The following DOCK1 variants were observed in gnomAD, a reference collection of about 807,000 sequenced individuals.
The protein encoded by DOCK1 is dedicator of cytokinesis 1.
DOCK1 carries 138 observed loss-of-function variants against 262.7 expected under a neutral mutation model. The observed-to-expected ratio is 0.53, with a 90% CI of 0.46 to 0.61. The LOEUF (loss-of-function observed/expected upper bound fraction) is 0.61, where lower values mean the gene tolerates loss of function less well. Among genes scored for constraint, DOCK1 ranks in the 20% least tolerant of loss-of-function variants. The probability of loss-of-function intolerance (pLI) is 0.00; values close to 1 mark genes in which losing one functional copy is unlikely to be tolerated. For missense variants in DOCK1, 1,908 were observed against 2,370.7 expected, an observed-to-expected ratio of 0.80 and a Z score of 4.05; for synonymous variants, 866 against 867.4, an observed-to-expected ratio of 1.00 and a Z score of 0.03.
At chr10:127,082,857 C>T (rs2046986665) in intron 23 of DOCK1, among the ~76,000 whole-genome samples, 4 of 152,198 alleles carry the variant, frequency 2.6e-5, no homozygotes, top group African/African-American at 7.2e-5. Context: ...TGTACACAGC[C>T]CCAAGCACAA....
chr10:126,946,493 C>G (rs2035417815), intron 1 of DOCK1, among the ~76,000 whole-genome samples: 1 of 152,128 alleles, frequency 6.6e-6, no homozygotes, highest in Non-Finnish European at 1.5e-5. Context: ...TTGCAGTGAG[C>G]TGAGATCGCA....
intron 32 of DOCK1, among the ~76,000 whole-genome samples, chr10:127,361,541 A>G (rs1008841086): frequency 5.3e-5 from 8 of 152,182 alleles, no homozygotes; most frequent in Non-Finnish European, 1.5e-5. Flanking sequence ...GTCGTTTGGC[A>G]TGTTGCAGAA....
In DOCK1 at chr10:127,418,557, G is replaced by C; in HGVS notation, c.4692+16G>C. ...CTACGAAAAGGTACGGGACCCACCA[G>C]CTTGCTCTGGGCAAGCAGTCCTGCC... On this transcript the variant is annotated intron_variant, in intron 45 of 51. Transcript: ENST00000623213. The C allele has an allele frequency of 6.2e-7, 1 of 1,607,558 alleles. No individual in the cohort carries two copies. The highest frequency in any genetic ancestry group is 8.5e-7 in the Non-Finnish European group (1 of 1,177,302).
chr10:127,181,478 C>T (rs560479791), intron 27 of DOCK1, among the ~76,000 whole-genome samples: 4 of 152,196 alleles, frequency 2.6e-5, no homozygotes, highest in Admixed American at 6.5e-5. Flanking sequence ...CCAGTCTGAC[C>T]GAGACACCTC....
At chr10:127,034,176 T>C (rs755876252) in intron 18 of DOCK1, among the ~76,000 whole-genome samples, 3 of 152,248 alleles carry the variant, frequency 2.0e-5, no homozygotes, top group Non-Finnish European at 2.9e-5. Flanking sequence ...TACCTGAGAC[T>C]GGGCAATTTA....
At chr10:127,326,591 C>T (rs759385641) in intron 29 of DOCK1, among the ~76,000 whole-genome samples, 6 of 152,142 alleles carry the variant, frequency 3.9e-5, no homozygotes, top group Non-Finnish European at 8.8e-5. Context: ...AGTCTTGAAC[C>T]GGTCAAAGTC....
At chr10:127,247,863 A>G in intron 27 of DOCK1, 145 bp from the exon 28 acceptor site, 1 of 701,302 alleles carries the variant, frequency 1.4e-6, no homozygotes, top group Non-Finnish European at 2.4e-6. Context: ...CTTCCCTGAG[A>G]GAGGGGCAGC....
chr10:127,349,420 C>T (rs1360241328), intron 31 of DOCK1, among the ~76,000 whole-genome samples: 1 of 152,134 alleles, frequency 6.6e-6, no homozygotes, highest in African/African-American at 2.4e-5. Flanking sequence ...TTGGTGTCTG[C>T]TCTCTCTTGT....
chr10:127,160,374 A>G (rs1428761375), intron 27 of DOCK1, among the ~76,000 whole-genome samples: 1 of 152,202 alleles, frequency 6.6e-6, no homozygotes, highest in Admixed American at 6.5e-5. Context: ...TTCTCTTCTC[A>G]CATTCCTGGG....
chr10:127,049,364 T>TAA (rs1294504790), intron 21 of DOCK1, among the ~76,000 whole-genome samples: 4 of 151,786 alleles, frequency 2.6e-5, no homozygotes, highest in African/African-American at 9.7e-5. Flanking sequence ...CTACTGAAAA[T>TAA]ACAAAAATTC....
intron 18 of DOCK1, among the ~76,000 whole-genome samples, chr10:127,036,736 G>C (rs894610016): frequency 6.6e-6 from 1 of 151,986 alleles, no homozygotes; most frequent in Non-Finnish European, 1.5e-5. Context: ...CACTTTGGGA[G>C]GCTGAGGCAG....
intron 29 of DOCK1, among the ~76,000 whole-genome samples, chr10:127,262,041 T>G (rs898004828): frequency 1.3e-5 from 2 of 148,182 alleles, no homozygotes; most frequent in Non-Finnish European, 3.0e-5. Context: ...TGTGTGTGTG[T>G]GTGTGTACCT....
chr10:127,374,089 C>T lies in DOCK1; in HGVS notation c.3550C>T (p.Leu1184Phe). The T allele has an allele frequency of 6.2e-7, 1 of 1,613,042 alleles. No individual in the cohort carries two copies. ...LLEHCRKHKY[L>F]AKTGETFVKL... Reference sequence around the variant, plus strand: ...GGAACACTGCAGGAAGCACAAATACCTCGCCAAAACAGGAGAAACTTTTGT... The same window carrying T: ...GGAACACTGCAGGAAGCACAAATACTTCGCCAAAACAGGAGAAACTTTTGT... Residue 1184 changes from leucine to phenylalanine, a missense_variant, in exon 35 of 52, where the codon CTC becomes TTC. Leu to Phe is a conservative substitution (Grantham distance 22). Transcript: ENST00000623213.
intron 46 of DOCK1, among the ~76,000 whole-genome samples, chr10:127,425,245 A>T (rs570568198): frequency 1.3e-5 from 2 of 152,286 alleles, no homozygotes; most frequent in South Asian, 4.1e-4. Context: ...ACCCCACAAC[A>T]GCAGCAACTC....
chr10:127,176,176 C>T lies in DOCK1; in HGVS notation c.2847+48412C>T, dbSNP rs1323057740. The T allele has an allele frequency of 6.2e-7, 1 of 1,614,132 alleles. No homozygotes were observed. Among genetic ancestry groups the T allele is most frequent in the South Asian group, 1.1e-5 (1 of 91,074 alleles). ...GCTCTGCAGGACACGGGCTTGGCCT[C>T]CCGCTTCTCCCCCAGCTGGCCCGAG... On this transcript the variant is annotated intron_variant, in intron 27 of 51. Coordinates refer to ENST00000623213, the MANE Select transcript of DOCK1 (RefSeq NM_001290223.2). This position sits in a 1 kb window ranked among gnomAD's most constrained non-coding sequence, Gnocchi z 4.4.
At chr10:127,093,214 C>CTTTCTTTCTTTGTTTCTTTCTTTG (rs1453771073) in intron 23 of DOCK1, among the ~76,000 whole-genome samples, 5 of 115,860 alleles carry the variant, frequency 4.3e-5, no homozygotes, top group African/African-American at 1.6e-4. Flanking sequence ...TTCTTTCTTT[C>CTTTCTTTCTTTGTTTCTTTCTTTG]TTTCTTTTCT....
chr10:126,948,624 G>T (rs1342793557), intron 1 of DOCK1, among the ~76,000 whole-genome samples: 5 of 152,054 alleles, frequency 3.3e-5, no homozygotes, highest in Middle Eastern at 3.4e-3. Flanking sequence ...GAGAAGGAAA[G>T]TTTCCCGATG....
chr10:127,361,654 C>T (rs1030867217), intron 32 of DOCK1, among the ~76,000 whole-genome samples: 2 of 152,140 alleles, frequency 1.3e-5, no homozygotes, highest in South Asian at 2.1e-4. Flanking sequence ...TCTCATTTGT[C>T]GGCTCCTGTT....
At chr10:127,080,418 G>A (rs530840433) in intron 23 of DOCK1, among the ~76,000 whole-genome samples, 1 of 152,062 alleles carries the variant, frequency 6.6e-6, no homozygotes, top group African/African-American at 2.4e-5. Context: ...TCCCATAGCC[G>A]ACCCCCTCCT....
Sources: allele counts gnomAD v4.1 joint callset (sites outside exome capture counted in the v4.1 genomes callset), GRCh38; gene constraint gnomAD v4.1.1; non-coding constraint Gnocchi (gnomAD v3.1); transcripts MANE v1.5; gene names NCBI Gene and HGNC (gene_info 2026-07-23, HGNC 2026-07-21).